SUPT4H1: variants seen among roughly 807,000 people sequenced by gnomAD.
SUPT4H1 encodes the protein SPT4 homolog, DSIF elongation factor subunit.
In SUPT4H1, 12 loss-of-function variants were observed where a neutral mutation model predicts 19.4. That is an observed-to-expected ratio of 0.62 (90% CI 0.40 to 1.00). SUPT4H1 has a LOEUF of 1.00. SUPT4H1 is among the 50% of genes least tolerant of loss of function. The probability of loss-of-function intolerance (pLI) is 0.00; values close to 1 mark genes in which losing one functional copy is unlikely to be tolerated. For synonymous variants in SUPT4H1, 58 were observed against 56.3 expected (o/e 1.03, Z -0.14); for missense variants, 115 against 149.2 (o/e 0.77, Z 1.19).
At position 58,347,592 on chromosome 17, in the gene SUPT4H1, G is replaced by A. The variant is rs538257336; in HGVS notation, c.177-8C>T. On this transcript the variant is annotated splice_region_variant and splice_polypyrimidine_tract_variant and intron_variant, in intron 2 of 4. Transcript: ENST00000225504. Reference sequence around the variant, plus strand: ...CTCATCATCGCAATGATTCTAGGGAGGGAAAAGAAATGGAGAGTCAGCCTG... The same window carrying A: ...CTCATCATCGCAATGATTCTAGGGAAGGAAAAGAAATGGAGAGTCAGCCTG... 1 of 1,614,124 alleles carries A rather than the reference G, an allele frequency of 6.2e-7. No individual in the cohort carries two copies. The highest frequency in any genetic ancestry group is 1.1e-5 in the South Asian group (1 of 91,082).
At chr17:58,348,522 T>C (rs921736440) in intron 2 of SUPT4H1, among the ~76,000 whole-genome samples, 1 of 152,192 alleles carries the variant, frequency 6.6e-6, no homozygotes, top group Non-Finnish European at 1.5e-5. Flanking sequence ...GAGATAGGCA[T>C]GTATGCAGGC....
At position 58,352,084 on chromosome 17, in the gene SUPT4H1, G is replaced by A; in HGVS notation, c.52C>T (p.Leu18=). The change falls in exon 1 of 5, where the codon CTG becomes TTG. Residue 18 remains leucine (L), a synonymous_variant. Coordinates refer to ENST00000225504, the MANE Select transcript of SUPT4H1 (RefSeq NM_003168.3). ...KDLRHLRACL[L]CSLVKTIDQF... ...ACTGACACCTTGACCAGCGAACACA[G>A]CAAACAGGCCCGCAGATGCCGCAGG... is the stretch of plus-strand genomic sequence containing the variant. 1.2e-6 allele frequency: 2 copies of A among 1,614,148 alleles called. No individual in the cohort carries two copies. The highest frequency in any genetic ancestry group is 1.7e-6 in the Non-Finnish European group (2 of 1,180,010).
chr17:58,347,049 T>C (rs989659692), intron 4 of SUPT4H1, 139 bp downstream of exon 4: 2 of 821,698 alleles, frequency 2.4e-6, no homozygotes, highest in Non-Finnish European at 4.0e-6. Flanking sequence ...CAGCAAGTGA[T>C]TTAACCTCTC....
intron 4 of SUPT4H1, among the ~76,000 whole-genome samples, chr17:58,346,976 A>G (rs1463388815): frequency 6.6e-6 from 1 of 152,024 alleles, no homozygotes; most frequent in Non-Finnish European, 1.5e-5. Flanking sequence ...GAAACAGCAA[A>G]AATTCTGGAG....
intron 1 of SUPT4H1, 133 bp from the exon 2 acceptor site, chr17:58,351,641 C>G: frequency 1.6e-6 from 1 of 637,634 alleles, no homozygotes; most frequent in East Asian, 2.7e-5. Flanking sequence ...CTAAGGTTCC[C>G]CACCTACTAC....
chr17:58,347,763 T>G (rs1972346272), intron 2 of SUPT4H1, among the ~76,000 whole-genome samples, 179 bp from the exon 3 acceptor site: 1 of 152,220 alleles, frequency 6.6e-6, no homozygotes, highest in African/African-American at 2.4e-5. Flanking sequence ...TTCTTCATTC[T>G]TATGTCCTTG....
In SUPT4H1 at chr17:58,351,478, C is replaced by G; in HGVS notation, c.100G>C (p.Asp34His). Residue 34 changes from aspartate to histidine, a missense_variant, in exon 2 of 5, where the codon GAC (aspartate) becomes CAC (histidine). Asp to His is a moderately conservative substitution (Grantham distance 81). Coordinates refer to ENST00000225504, the MANE Select transcript of SUPT4H1 (RefSeq NM_003168.3). ...ATTTGTAGATATGCATCACAATTGT[C>G]ACAACCATCATATTCAAACTGGTCT... ...TIDQFEYDGC[D>H]NCDAYLQMKG... is the part of the protein sequence containing the mutation. 6.2e-7 allele frequency: 1 copy of G among 1,613,804 alleles called. No homozygotes were observed. The highest frequency in any genetic ancestry group is 8.5e-7 in the Non-Finnish European group (1 of 1,179,792).
chr17:58,345,840 G>C lies in SUPT4H1; in HGVS notation c.*406C>G, dbSNP rs2070107. 23,849 of 162,920 alleles carry C rather than the reference G, an allele frequency of 0.15. 1,935 individuals are homozygous for C. The highest frequency in any genetic ancestry group is 0.18 in the Admixed American group (2,830 of 16,012). The allele number at this position is 162,920 out of a possible 1,614,324, so 10.1% of individuals were successfully genotyped here. A position where few individuals can be genotyped will look rare whatever the true frequency, so the allele number is the denominator to read the frequency against. On this transcript the variant is annotated 3_prime_UTR_variant, in exon 5 of 5. Coordinates refer to ENST00000225504, the MANE Select transcript of SUPT4H1 (RefSeq NM_003168.3). ...GGAGTAGAAGGGCCTCTGCTGCTCTGGGAAGGTTCTTATAGGGCAAATAAG... is the reference window on the plus strand; with the variant it reads ...GGAGTAGAAGGGCCTCTGCTGCTCTCGGAAGGTTCTTATAGGGCAAATAAG...
chr17:58,346,582 G>C (rs1972296492), intron 4 of SUPT4H1, among the ~76,000 whole-genome samples: 1 of 152,026 alleles, frequency 6.6e-6, no homozygotes, highest in Non-Finnish European at 1.5e-5. Context: ...AATTAGCCAG[G>C]TGTAGTGGCT....
chr17:58,348,460 A>T (rs1289864771), intron 2 of SUPT4H1, among the ~76,000 whole-genome samples: 2 of 151,880 alleles, frequency 1.3e-5, no homozygotes, highest in African/African-American at 4.8e-5. Flanking sequence ...AACCGACCCT[A>T]CCTCCAGGGG....
At chr17:58,347,685 C>G (rs73317710) in intron 2 of SUPT4H1, 101 bp from the exon 3 acceptor site, 1 of 1,186,462 alleles carries the variant, frequency 8.4e-7, no homozygotes, top group Non-Finnish European at 1.2e-6. Flanking sequence ...CGAGTCTCCA[C>G]TGGAAAGCTG....
chr17:58,351,645 C>T, intron 1 of SUPT4H1, 137 bp from the exon 2 acceptor site: 3 of 630,418 alleles, frequency 4.8e-6, no homozygotes, highest in Non-Finnish European at 8.4e-6. Flanking sequence ...GGTTCCCCAC[C>T]TACTACTCTC....
In SUPT4H1 at chr17:58,346,037, A is replaced by T. The variant is rs1972277286; in HGVS notation, c.*209T>A. The T allele has an allele frequency of 1.9e-6, 1 of 533,072 alleles. No individual in the cohort carries two copies. The highest frequency in any genetic ancestry group is 3.4e-6 in the Non-Finnish European group (1 of 294,950). 33.0% of individuals were successfully genotyped at this position (533,072 alleles called of 1,614,324 possible). On this transcript the variant is annotated 3_prime_UTR_variant, in exon 5 of 5. Coordinates refer to ENST00000225504, the MANE Select transcript of SUPT4H1 (RefSeq NM_003168.3). ...AGCATCCTACTCTCTCCTCAATTCCATCTGTTAATCCACCAACCCAAATCC... is the reference window on the plus strand; with the variant it reads ...AGCATCCTACTCTCTCCTCAATTCCTTCTGTTAATCCACCAACCCAAATCC...
rs1972284656 is a variant in SUPT4H1 at position 58,346,290 on chromosome 17, G to A, written c.310C>T (p.Arg104Ter). ...TCTCTGGATTTGTAGGCCACTCCTC[G>A]ACTTTTCAGCTCCCGCACGATTCCT... ...PQGIVRELKS[R>*]GVAYKSRDTA... The change falls in exon 5 of 5, where the codon CGA becomes TGA. Residue 104 changes from arginine to a stop codon, truncating the protein, a stop_gained. Transcript: ENST00000225504. LOFTEE classifies it high-confidence loss of function. The A allele has an allele frequency of 5.6e-6, 9 of 1,614,002 alleles. No homozygotes were observed. The highest frequency in any genetic ancestry group is 6.8e-6 in the Non-Finnish European group (8 of 1,179,944).
intron 2 of SUPT4H1, among the ~76,000 whole-genome samples, chr17:58,347,876 C>T (rs2143301606): frequency 6.6e-6 from 1 of 152,312 alleles, no homozygotes; most frequent in Admixed American, 6.5e-5. Flanking sequence ...GGCTTTAGGA[C>T]AAGGGGTCCA....
intron 4 of SUPT4H1, among the ~76,000 whole-genome samples, chr17:58,346,758 C>T (rs950687069): frequency 5.4e-5 from 8 of 146,954 alleles, no homozygotes; most frequent in African/African-American, 1.5e-4. Flanking sequence ...TTAGTTGACT[C>T]ATTACTAGTG....
At position 58,351,464 on chromosome 17, in the gene SUPT4H1, T is replaced by C. The variant is rs774598303; in HGVS notation, c.114A>G (p.Ala38=). ...CTCGGTTACCCTTCATTTGTAGATA[T>C]GCATCACAATTGTCACAACCATCAT... ...FEYDGCDNCD[A]YLQMKGNREM... is the part of the protein sequence containing the mutation. The change falls in exon 2 of 5, where the codon GCA becomes GCG. Residue 38 remains alanine, a synonymous_variant. Transcript: ENST00000225504. 6 of 1,613,846 alleles carry C rather than the reference T, an allele frequency of 3.7e-6. No homozygotes were observed. The South Asian group carries it at 4.4e-5, about 12-fold the overall frequency.
At position 58,351,455 on chromosome 17, in the gene SUPT4H1, T is replaced by C; in HGVS notation, c.123A>G (p.Gln41=). The C allele has an allele frequency of 1.2e-6, 2 of 1,614,102 alleles. No homozygotes were observed. The highest frequency in any genetic ancestry group is 1.7e-6 in the Non-Finnish European group (2 of 1,180,000). The part of the protein sequence containing the change: ...DGCDNCDAYL[Q]MKGNREMVYD... ...ATACCATCTCTCGGTTACCCTTCAT[T>C]TGTAGATATGCATCACAATTGTCAC... The change falls in exon 2 of 5, where the codon CAA becomes CAG. Residue 41 remains glutamine (Q), a synonymous_variant. Transcript: ENST00000225504.
At chr17:58,350,053 C>T (rs1292505138) in intron 2 of SUPT4H1, among the ~76,000 whole-genome samples, 5 of 152,132 alleles carry the variant, frequency 3.3e-5, no homozygotes, top group Admixed American at 2.6e-4. Context: ...GAGGCTGAGA[C>T]GGGAGGATCA....
Sources: allele counts gnomAD v4.1 joint callset (sites outside exome capture counted in the v4.1 genomes callset), GRCh38; gene constraint gnomAD v4.1.1; transcripts MANE v1.5; gene names NCBI Gene and HGNC (gene_info 2026-07-23, HGNC 2026-07-21).